Variants in MAGI2 observed in about 807,000 individuals in gnomAD.
MAGI2 encodes membrane-associated guanylate kinase, WW and PDZ domain-containing protein 2.
In MAGI2, 35 loss-of-function variants were observed where a neutral mutation model predicts 133.3. That is an observed-to-expected ratio of 0.26 (90% CI 0.20 to 0.35). The LOEUF (loss-of-function observed/expected upper bound fraction) is 0.35, where lower values mean the gene tolerates loss of function less well. Among genes scored for constraint, MAGI2 ranks in the 10% least tolerant of loss-of-function variants. MAGI2 has a pLI of 1.00. For synonymous variants in MAGI2, 729 were observed against 710.6 expected (o/e 1.03, Z -0.41); for missense variants, 1,636 against 1,863.4 (o/e 0.88, Z 2.25).
intron 1 of MAGI2, among the ~76,000 whole-genome samples, chr7:79,322,200 T>C (rs1839232726): frequency 6.6e-6 from 1 of 152,162 alleles, no homozygotes. Flanking sequence ...CAGTCCATAG[T>C]TTTCCAATTT....
At chr7:78,864,907 G>A (rs1391611768) in intron 2 of MAGI2, among the ~76,000 whole-genome samples, 5 of 152,164 alleles carry the variant, frequency 3.3e-5, no homozygotes, top group Non-Finnish European at 7.4e-5. Flanking sequence ...ACACATGTGA[G>A]CAAAGTTACT....
At chr7:78,648,938 A>G (rs1189152335) in intron 2 of MAGI2, among the ~76,000 whole-genome samples, 2 of 152,026 alleles carry the variant, frequency 1.3e-5, no homozygotes, top group African/African-American at 4.8e-5. Flanking sequence ...GTCTACAACA[A>G]TTTTCACCCT....
At chr7:79,102,697 A>G (rs1480605418) in intron 1 of MAGI2, among the ~76,000 whole-genome samples, 1 of 152,180 alleles carries the variant, frequency 6.6e-6, no homozygotes, top group African/African-American at 2.4e-5. Flanking sequence ...AGGGTGGAAC[A>G]TGAATATTCA....
At chr7:78,585,686 T>C (rs1402384575) in intron 3 of MAGI2, among the ~76,000 whole-genome samples, 1 of 152,112 alleles carries the variant, frequency 6.6e-6, no homozygotes, top group African/African-American at 2.4e-5. Flanking sequence ...GGGGAAGCAA[T>C]GGCAGCATTA....
chr7:79,439,753 G>C (rs1278435057), intron 1 of MAGI2, among the ~76,000 whole-genome samples: 1 of 151,962 alleles, frequency 6.6e-6, no homozygotes, highest in Non-Finnish European at 1.5e-5. Context: ...GTAAATTTAT[G>C]ACACAAAAAG....
intron 2 of MAGI2, among the ~76,000 whole-genome samples, chr7:78,914,564 C>T (rs1264136501): frequency 1.3e-5 from 2 of 152,070 alleles, no homozygotes; most frequent in Non-Finnish European, 1.5e-5. Flanking sequence ...TTGCATTTCA[C>T]AGAAGGAACA....
chr7:79,177,894 C>A (rs182342887), intron 1 of MAGI2, among the ~76,000 whole-genome samples: 9 of 152,090 alleles, frequency 5.9e-5, no homozygotes. Flanking sequence ...TATTTCACAG[C>A]GTGTATGCGG....
intron 2 of MAGI2, among the ~76,000 whole-genome samples, chr7:78,762,806 C>T (rs1426811444): frequency 6.6e-6 from 1 of 152,104 alleles, no homozygotes; most frequent in Non-Finnish European, 1.5e-5. Context: ...CAGTGACCTT[C>T]AAAGATACAG....
intron 3 of MAGI2, among the ~76,000 whole-genome samples, chr7:78,577,893 A>G (rs1008054988): frequency 5.9e-5 from 9 of 152,132 alleles, no homozygotes; most frequent in African/African-American, 2.2e-4. Flanking sequence ...TGATCATGTA[A>G]TATTTCCTTA....
chr7:78,460,723 A>ATGGAGGTTGCTAGG (rs1239728503), intron 6 of MAGI2, among the ~76,000 whole-genome samples: 1 of 152,178 alleles, frequency 6.6e-6, no homozygotes, highest in Non-Finnish European at 1.5e-5. Context: ...TTTGGGTTAA[A>ATGGAGGTTGCTAGG]TGGAGGTTGC....
Position 78,331,556 on chromosome 7 carries a change from A to G in MAGI2, c.1408+12222T>C, listed in dbSNP as rs145222691. ...TAGTTATTACTTTTAGTTTAAATTTATCTTAAGGTAAACACCTCTCACTAA... is the reference window on the plus strand; with the variant it reads ...TAGTTATTACTTTTAGTTTAAATTTGTCTTAAGGTAAACACCTCTCACTAA... On this transcript the variant is annotated intron_variant, in intron 9 of 21. Coordinates refer to ENST00000354212, the MANE Select transcript of MAGI2 (RefSeq NM_012301.4). Among the ~76,000 whole-genome samples, 349 of 152,320 alleles carry G rather than the reference A, an allele frequency of 2.3e-3. 15 individuals carry two copies. Among genetic ancestry groups the G allele is most frequent in the Admixed American group, 0.022 (330 of 15,292 alleles).
intron 1 of MAGI2, among the ~76,000 whole-genome samples, chr7:79,358,342 A>T (rs1842160925): frequency 6.6e-6 from 1 of 152,150 alleles, no homozygotes; most frequent in African/African-American, 2.4e-5. Flanking sequence ...ATCTTTCAAC[A>T]TCAGTTTTAT....
chr7:78,396,461 G>A (rs773577891), intron 6 of MAGI2, among the ~76,000 whole-genome samples: 7 of 151,984 alleles, frequency 4.6e-5, no homozygotes, highest in South Asian at 2.1e-4. Context: ...TACTTGGAAC[G>A]TTCTTCCTTA....
At chr7:79,293,218 A>G (rs1528267) in intron 1 of MAGI2, among the ~76,000 whole-genome samples, 33,554 of 151,992 alleles carry the variant, frequency 0.22, 4,854 homozygotes, top group African/African-American at 0.39. Flanking sequence ...CCTTTTTATC[A>G]TTCACTTCTT....
At chr7:78,340,129 T>G (rs893053661) in intron 9 of MAGI2, among the ~76,000 whole-genome samples, 1 of 152,210 alleles carries the variant, frequency 6.6e-6, no homozygotes, top group Non-Finnish European at 1.5e-5. Context: ...ATTCTCTAAT[T>G]TTTGTATCTA....
intron 1 of MAGI2, among the ~76,000 whole-genome samples, chr7:79,116,492 C>A (rs955034401): frequency 1.3e-5 from 2 of 152,248 alleles, no homozygotes; most frequent in South Asian, 2.1e-4. Context: ...CTCTAGGGTA[C>A]AACAGCCTGT....
At chr7:78,401,492 A>G (rs1465270962) in intron 6 of MAGI2, among the ~76,000 whole-genome samples, 1 of 151,982 alleles carries the variant, frequency 6.6e-6, no homozygotes, top group African/African-American at 2.4e-5. Flanking sequence ...ATTTTGTTGA[A>G]CCAACTCTTG....
At chr7:78,573,035 G>GTATATATATATA (rs765938732) in intron 3 of MAGI2, among the ~76,000 whole-genome samples, 10 of 31,674 alleles carry the variant, frequency 3.2e-4, no homozygotes, top group Non-Finnish European at 4.8e-4. Context: ...GCATATGTAT[G>GTATATATATATA]TATATATATA....
chr7:79,421,252 G>C (rs1237439373), intron 1 of MAGI2, among the ~76,000 whole-genome samples: 2 of 151,654 alleles, frequency 1.3e-5, no homozygotes, highest in East Asian at 3.9e-4. Context: ...CATGTTGCTT[G>C]GCTTATAGTT....
Sources: allele counts gnomAD v4.1 joint callset (sites outside exome capture counted in the v4.1 genomes callset), GRCh38; gene constraint gnomAD v4.1.1; transcripts MANE v1.5; gene names NCBI Gene and HGNC (gene_info 2026-07-23, HGNC 2026-07-21).